The following DCAF1 variants were observed in gnomAD, a reference collection of about 807,000 sequenced individuals.
The protein encoded by DCAF1 is DDB1 and CUL4 associated factor 1.
A neutral mutation model predicts 128.0 loss-of-function variants in DCAF1; 15 were observed. The ratio of observed to expected loss-of-function variants is 0.12; its 90% confidence interval spans 0.08 to 0.18. The LOEUF (loss-of-function observed/expected upper bound fraction) is 0.18. Among genes scored for constraint, DCAF1 ranks in the 10% least tolerant of loss-of-function variants. DCAF1 has a pLI of 1.00. For missense variants in DCAF1, 988 were observed against 1,649.5 expected (o/e 0.60, Z 6.95); for synonymous variants, 610 against 603.0 (o/e 1.01, Z -0.17).
chr3:51,479,577 A>G (rs1705906343), intron 3 of DCAF1, among the ~76,000 whole-genome samples: 1 of 151,966 alleles, frequency 6.6e-6, no homozygotes, highest in Non-Finnish European at 1.5e-5. Flanking sequence ...TCATGAGGGC[A>G]GGAGATCGAG....
chr3:51,446,150 A>T (rs1329314425), intron 6 of DCAF1, among the ~76,000 whole-genome samples: 1 of 151,772 alleles, frequency 6.6e-6, no homozygotes, highest in Non-Finnish European at 1.5e-5. Flanking sequence ...CACACCAACC[A>T]CACCCAGCTG....
chr3:51,413,436 C>A, intron 20 of DCAF1, 50 bp from the exon 21 acceptor site: 1 of 1,574,172 alleles, frequency 6.4e-7, no homozygotes, highest in East Asian at 2.3e-5. Flanking sequence ...CAAACATCCC[C>A]TCTTCACAAG....
intron 16 of DCAF1, 142 bp from the exon 17 acceptor site, chr3:51,418,340 A>G (rs1166798310): frequency 6.9e-5 from 100 of 1,439,554 alleles, no homozygotes; most frequent in Non-Finnish European, 8.8e-5. Context: ...AAACCAAGAA[A>G]TGGTCAGAAG....
At chr3:51,417,654 AGCTTGCAGTAG>A (rs1699005344) in intron 17 of DCAF1, among the ~76,000 whole-genome samples, 1 of 151,942 alleles carries the variant, frequency 6.6e-6, no homozygotes, top group South Asian at 2.1e-4. Context: ...CGGGAGGCGG[AGCTTGCAGTAG>A]GCTGAGATCG....
At chr3:51,499,522 T>C (rs1025005799) in intron 1 of DCAF1, among the ~76,000 whole-genome samples, 2 of 151,230 alleles carry the variant, frequency 1.3e-5, no homozygotes, top group African/African-American at 4.9e-5. Flanking sequence ...ACTAGGAGGA[T>C]TGGAAGGAAA....
intron 13 of DCAF1, among the ~76,000 whole-genome samples, chr3:51,427,017 G>C (rs562949669): frequency 6.6e-6 from 1 of 152,122 alleles, no homozygotes; most frequent in Admixed American, 6.6e-5. Flanking sequence ...ATATATGGTT[G>C]TCAAGTAGTA....
chr3:51,486,245 T>C (rs1311757238), intron 2 of DCAF1, among the ~76,000 whole-genome samples: 2 of 149,338 alleles, frequency 1.3e-5, no homozygotes, highest in Non-Finnish European at 3.0e-5. Flanking sequence ...CAGGCTTGAG[T>C]GCAGTAGCGC....
chr3:51,406,278 G>A (rs1333045542), intron 23 of DCAF1, among the ~76,000 whole-genome samples: 3 of 143,236 alleles, frequency 2.1e-5, no homozygotes, highest in African/African-American at 7.9e-5. Context: ...AGGAGGCGGA[G>A]CTTGCAGTGA....
At chr3:51,433,436 A>G (rs1700551053) in intron 9 of DCAF1, among the ~76,000 whole-genome samples, 172 bp from the exon 10 acceptor site, 1 of 152,194 alleles carries the variant, frequency 6.6e-6, no homozygotes, top group Non-Finnish European at 1.5e-5. Context: ...AAGATTCCTT[A>G]ACATTCCTCT....
intron 13 of DCAF1, 75 bp downstream of exon 13, chr3:51,427,297 T>A: frequency 1.6e-6 from 1 of 614,068 alleles, no homozygotes; most frequent in Non-Finnish European, 3.0e-6. Flanking sequence ...GTTAAGCATA[T>A]ACAATGTGCA....
At chr3:51,458,505 C>T (rs541188995) in intron 6 of DCAF1, among the ~76,000 whole-genome samples, 13 of 152,160 alleles carry the variant, frequency 8.5e-5, no homozygotes, top group African/African-American at 2.6e-4. Context: ...GACAGATCAA[C>T]GAGACAGAAA....
At chr3:51,416,683 T>C in intron 18 of DCAF1, 104 bp downstream of exon 18, 2 of 1,483,552 alleles carry the variant, frequency 1.3e-6, no homozygotes, top group Non-Finnish European at 1.8e-6. Flanking sequence ...TATCACTGAT[T>C]TCTAGTTGCC....
intron 6 of DCAF1, among the ~76,000 whole-genome samples, chr3:51,452,623 C>T (rs1702468160): frequency 6.6e-6 from 1 of 152,094 alleles, no homozygotes; most frequent in Non-Finnish European, 1.5e-5. Context: ...AAAGGGCACT[C>T]ACTTCTTTCT....
intron 2 of DCAF1, among the ~76,000 whole-genome samples, chr3:51,486,945 T>C (rs1707036750): frequency 6.6e-6 from 1 of 150,438 alleles, no homozygotes; most frequent in South Asian, 2.1e-4. Flanking sequence ...ATAAATATAT[T>C]TTTAAAACAA....
intron 23 of DCAF1, 99 bp from the exon 24 acceptor site, chr3:51,403,494 A>G: frequency 6.8e-7 from 1 of 1,480,272 alleles, no homozygotes; most frequent in Non-Finnish European, 9.0e-7. Flanking sequence ...GGAAACTGTC[A>G]GTAGAGGGTA....
chr3:51,396,253 C>A (rs1473015706), downstream of DCAF1: 1 of 248,654 alleles, frequency 4.0e-6, no homozygotes, highest in Admixed American at 5.7e-5. Flanking sequence ...GAAGACACTT[C>A]AACCTTTGCC....
chr3:51,432,997 C>T, intron 10 of DCAF1, 109 bp downstream of exon 10: 1 of 396,300 alleles, frequency 2.5e-6, no homozygotes, highest in Non-Finnish European at 4.4e-6. Context: ...AAATTTATTC[C>T]TTCAACTACT....
chr3:51,469,799 T>C (rs546277301), intron 4 of DCAF1, among the ~76,000 whole-genome samples: 1 of 151,856 alleles, frequency 6.6e-6, no homozygotes, highest in Non-Finnish European at 1.5e-5. Flanking sequence ...GGCGGGTGGA[T>C]CACTTGAGGT....
chr3:51,442,252 G>GA (rs1701426895), intron 7 of DCAF1, among the ~76,000 whole-genome samples: 1 of 152,148 alleles, frequency 6.6e-6, no homozygotes, highest in African/African-American at 2.4e-5. Flanking sequence ...AACCAAACAT[G>GA]AAAGTTTCTC....
Sources: gnomAD v4.1 joint callset for allele counts (sites outside exome capture counted in the v4.1 genomes callset) on GRCh38, gnomAD v4.1.1 for gene constraint, MANE v1.5 for transcripts, NCBI Gene and HGNC (gene_info 2026-07-23, HGNC 2026-07-21) for gene names.